The following NEGR1 variants were observed in gnomAD, a reference collection of about 807,000 sequenced individuals.
NEGR1 encodes the protein IgLON family member 4.
In NEGR1, 10 loss-of-function variants were observed where a neutral mutation model predicts 40.9. The observed-to-expected ratio is 0.24, with a 90% CI of 0.15 to 0.42. The LOEUF is 0.42. Ranked by LOEUF, NEGR1 falls within the 10% of genes least tolerant of loss-of-function variation. NEGR1 has a pLI of 1.00. For synonymous variants in NEGR1, 185 were observed against 166.8 expected (o/e 1.11, Z -0.84); for missense variants, 352 against 438.9 (o/e 0.80, Z 1.77).
At chr1:72,126,960 C>T (rs1650045120) in intron 1 of NEGR1, among the ~76,000 whole-genome samples, 1 of 152,166 alleles carries the variant, frequency 6.6e-6, no homozygotes, top group African/African-American at 2.4e-5. Context: ...GGTCTGCACA[C>T]AAATCCGACT....
intron 6 of NEGR1, among the ~76,000 whole-genome samples, chr1:71,493,046 T>G (rs1205270370): frequency 1.3e-5 from 2 of 152,144 alleles, no homozygotes; most frequent in African/African-American, 4.8e-5. Context: ...TTTTCTTAGA[T>G]TCATACTCCC....
In NEGR1 at chr1:71,397,846, G is replaced by T. The variant is rs1177555943; in HGVS notation, c.*9600C>A. Reference sequence around the variant, plus strand: ...AGCCCCTGCCATCACAGGCCCCTAGGTTTTGGAGGAAAAAAATGGTTTTGT... The same window carrying T: ...AGCCCCTGCCATCACAGGCCCCTAGTTTTTGGAGGAAAAAAATGGTTTTGT... On this transcript the variant is annotated 3_prime_UTR_variant, in exon 7 of 7. Transcript: ENST00000357731. 6.6e-6 allele frequency: 1 copy of T among 152,262 alleles called. No homozygotes were observed. The highest frequency in any genetic ancestry group is 2.4e-5 in the African/African-American group (1 of 41,438). 9.4% of individuals were successfully genotyped at this position (152,262 alleles called of 1,614,324 possible).
chr1:71,688,393 A>T (rs796427154), intron 4 of NEGR1, among the ~76,000 whole-genome samples: 1 of 32,142 alleles, frequency 3.1e-5, no homozygotes, highest in African/African-American at 1.2e-4. Context: ...AGATATATAA[A>T]ATATATATAT....
chr1:72,241,729 CT>C (rs546777630), intron 1 of NEGR1, among the ~76,000 whole-genome samples: 39 of 148,232 alleles, frequency 2.6e-4, no homozygotes, highest in African/African-American at 6.9e-4. Flanking sequence ...CCTTCAACTT[CT>C]TTTTTTTTTC....
At chr1:71,812,098 C>A (rs1035194808) in intron 2 of NEGR1, among the ~76,000 whole-genome samples, 4 of 151,942 alleles carry the variant, frequency 2.6e-5, no homozygotes, top group African/African-American at 4.8e-5. Context: ...CTCCCTGTGT[C>A]CATGTGTTCT....
chr1:71,940,193 G>C (rs1194839666), intron 1 of NEGR1, among the ~76,000 whole-genome samples: 1 of 152,104 alleles, frequency 6.6e-6, no homozygotes, highest in Non-Finnish European at 1.5e-5. Context: ...AGCAGCAAGT[G>C]ATCTTAAGGT....
At chr1:72,016,038 T>G (rs1430584850) in intron 1 of NEGR1, among the ~76,000 whole-genome samples, 1 of 152,178 alleles carries the variant, frequency 6.6e-6, no homozygotes, top group Non-Finnish European at 1.5e-5. Context: ...TATAAGAAAT[T>G]ATCCTTCATT....
chr1:71,887,336 TTGTTCAAGGGTCAACTGTATTGACA>T (rs1024453029), intron 2 of NEGR1, among the ~76,000 whole-genome samples: 2 of 152,182 alleles, frequency 1.3e-5, no homozygotes, highest in African/African-American at 4.8e-5. Context: ...CAAATTTATG[TTGTTCAAGGGTCAACTGTATTGACA>T]TATTTATCTA....
chr1:71,452,260 T>C (rs1646634620), intron 6 of NEGR1, among the ~76,000 whole-genome samples: 1 of 152,226 alleles, frequency 6.6e-6, no homozygotes, highest in South Asian at 2.1e-4. Flanking sequence ...GCAAAGGTCA[T>C]CCTCAATGAT....
chr1:72,060,209 A>G (rs1368111317), intron 1 of NEGR1, among the ~76,000 whole-genome samples: 3 of 151,508 alleles, frequency 2.0e-5, no homozygotes, highest in Non-Finnish European at 4.4e-5. Flanking sequence ...ACCTATCTTG[A>G]TTTTTTTCCC....
chr1:72,023,401 C>A (rs1646778147), intron 1 of NEGR1, among the ~76,000 whole-genome samples: 1 of 151,862 alleles, frequency 6.6e-6, no homozygotes. Flanking sequence ...TCTCCCCACA[C>A]CTATTTGCTG....
chr1:72,144,517 T>C (rs1279140911), intron 1 of NEGR1, among the ~76,000 whole-genome samples: 1 of 129,884 alleles, frequency 7.7e-6, no homozygotes. Context: ...ATAATTAATA[T>C]GTGCATGGAG....
intron 6 of NEGR1, among the ~76,000 whole-genome samples, chr1:71,530,130 C>T (rs1347137036): frequency 6.6e-6 from 1 of 151,238 alleles, no homozygotes; most frequent in Non-Finnish European, 1.5e-5. Context: ...GAGATCTGTG[C>T]TGAGTTATTT....
intron 2 of NEGR1, among the ~76,000 whole-genome samples, chr1:71,790,954 C>T (rs1056178490): frequency 1.3e-5 from 2 of 151,432 alleles, no homozygotes; most frequent in African/African-American, 2.4e-5. Context: ...TCGGGACTGG[C>T]GATAGGACTG....
intron 4 of NEGR1, among the ~76,000 whole-genome samples, chr1:71,676,527 T>C (rs1456592759): frequency 6.6e-6 from 1 of 152,196 alleles, no homozygotes; most frequent in African/African-American, 2.4e-5. Flanking sequence ...TGATCTCCCA[T>C]GCAGTAGGAT....
rs1036498183 is a variant in NEGR1, at chr1:71,397,741, A to G, written c.*9705T>C. The G allele has an allele frequency of 8.5e-5, 13 of 152,256 alleles. No homozygotes were observed. Among genetic ancestry groups the G allele is most frequent in the African/African-American group, 3.1e-4 (13 of 41,470 alleles). 9.4% of individuals were successfully genotyped at this position (152,256 alleles called of 1,614,324 possible). A position where few individuals can be genotyped will look rare whatever the true frequency, so the allele number is the denominator to read the frequency against. On this transcript the variant is annotated 3_prime_UTR_variant, in exon 7 of 7. Transcript: ENST00000357731. ...GAGAAATTCAAGCTGGCTGCAGAAA[A>G]TTGCATAAGTAATGAGGAGCTGAAT...
intron 1 of NEGR1, among the ~76,000 whole-genome samples, chr1:71,946,501 A>G (rs1646020182): frequency 6.6e-6 from 1 of 151,204 alleles, no homozygotes; most frequent in Admixed American, 6.6e-5. Context: ...AAGAAATCGA[A>G]TTAAGAGTGA....
At chr1:72,038,769 A>C (rs1646926915) in intron 1 of NEGR1, among the ~76,000 whole-genome samples, 1 of 152,018 alleles carries the variant, frequency 6.6e-6, no homozygotes, top group Non-Finnish European at 1.5e-5. Flanking sequence ...GAATCACCAT[A>C]TTTTAATAAA....
chr1:72,085,663 T>C (rs1304681518), intron 1 of NEGR1, among the ~76,000 whole-genome samples: 2 of 152,094 alleles, frequency 1.3e-5, no homozygotes, highest in Non-Finnish European at 2.9e-5. Context: ...TCTTAAAATT[T>C]ATGTTTCTTA....
Sources: allele counts gnomAD v4.1 joint callset (sites outside exome capture counted in the v4.1 genomes callset), GRCh38; gene constraint gnomAD v4.1.1; transcripts MANE v1.5; gene names NCBI Gene and HGNC (gene_info 2026-07-23, HGNC 2026-07-21).